LPCAT2: variants seen among roughly 807,000 people sequenced by gnomAD.
The protein encoded by LPCAT2 is lysophosphatidylcholine acyltransferase 2, also known as 1-AGP acyltransferase 11.
A neutral mutation model predicts 64.7 loss-of-function variants in LPCAT2; 58 were observed. The ratio of observed to expected loss-of-function variants is 0.90; its 90% CI spans 0.73 to 1.12. The LOEUF (loss-of-function observed/expected upper bound fraction) is 1.12. Ranked by LOEUF, LPCAT2 falls within the 50% of genes most tolerant of loss-of-function variation. LPCAT2 has a pLI of 0.00. For synonymous variants in LPCAT2, 252 were observed against 245.3 expected, an observed-to-expected ratio of 1.03 and a Z score of -0.26; for missense variants, 579 against 669.8, an observed-to-expected ratio of 0.86 and a Z score of 1.50.
intron 8 of LPCAT2, chr16:55,541,835 T>C (rs1161816129): frequency 1.4e-5 from 18 of 1,285,262 alleles, no homozygotes; most frequent in Non-Finnish European, 1.5e-5. Context: ...CTGTCTCATC[T>C]AGATGTTTCT....
chr16:55,570,920 G>A (rs1467752895), intron 11 of LPCAT2, among the ~76,000 whole-genome samples: 3 of 152,194 alleles, frequency 2.0e-5, no homozygotes, highest in Non-Finnish European at 4.4e-5. Flanking sequence ...GATTTATAGA[G>A]TATCTCTGAC....
At chr16:55,512,431 C>G (rs557305789) in intron 1 of LPCAT2, among the ~76,000 whole-genome samples, 1 of 151,966 alleles carries the variant, frequency 6.6e-6, no homozygotes, top group Non-Finnish European at 1.5e-5. Flanking sequence ...TAACATTACC[C>G]CAGCCCCTTT....
At chr16:55,509,930 T>C (rs1305492109) in intron 1 of LPCAT2, among the ~76,000 whole-genome samples, 2 of 151,082 alleles carry the variant, frequency 1.3e-5, no homozygotes, top group Non-Finnish European at 2.9e-5. Flanking sequence ...AAGCTTCAAC[T>C]TGAGTTTATG....
intron 11 of LPCAT2, among the ~76,000 whole-genome samples, chr16:55,571,041 T>C (rs1340749242): frequency 6.6e-6 from 1 of 152,198 alleles, no homozygotes; most frequent in Non-Finnish European, 1.5e-5. Flanking sequence ...GGATGATATA[T>C]TTCAGTTATA....
intron 11 of LPCAT2, among the ~76,000 whole-genome samples, chr16:55,558,761 C>A (rs900232001): frequency 1.3e-5 from 2 of 152,092 alleles, no homozygotes; most frequent in Admixed American, 1.3e-4. Flanking sequence ...GACTATGTCC[C>A]AATAAAACTG....
At chr16:55,572,866 C>T (rs150868081) in intron 11 of LPCAT2, among the ~76,000 whole-genome samples, 87 of 152,132 alleles carry the variant, frequency 5.7e-4, no homozygotes, top group African/African-American at 1.8e-3. Context: ...CAAATCAAAC[C>T]GTACATTTAA....
intron 11 of LPCAT2, among the ~76,000 whole-genome samples, chr16:55,557,316 G>C (rs551945182): frequency 6.8e-6 from 1 of 148,034 alleles, no homozygotes; most frequent in South Asian, 2.2e-4. Flanking sequence ...TTTCTGTTCT[G>C]AACACACCTG....
At chr16:55,537,008 CA>C (rs1177761589) in intron 7 of LPCAT2, among the ~76,000 whole-genome samples, 6 of 151,434 alleles carry the variant, frequency 4.0e-5, no homozygotes, top group Admixed American at 2.6e-4. Context: ...TTTTTAATGT[CA>C]AAAAACAGTT....
Position 55,579,174 on chromosome 16 carries a change from C to G in LPCAT2, c.1380C>G (p.Ser460=). 3 of 1,613,538 alleles carry G rather than the reference C, an allele frequency of 1.9e-6. No homozygotes were observed. The highest frequency in any genetic ancestry group is 2.5e-6 in the Non-Finnish European group (3 of 1,179,670). Residue 460 remains serine (S), a synonymous_variant, in exon 13 of 14, where the codon TCC becomes TCG. Transcript: ENST00000262134. The stretch of plus-strand genomic sequence containing the variant: ...AGTTCTCCACCATTCTACAGGCTTC[C>G]CTTGGAGTGCCTGACCTTGATGTTT... The part of the protein sequence containing the change: ...EEEFSTILQA[S]LGVPDLDVSG...
intron 11 of LPCAT2, among the ~76,000 whole-genome samples, chr16:55,558,050 G>A (rs928164478): frequency 9.2e-5 from 14 of 152,072 alleles, no homozygotes; most frequent in Non-Finnish European, 1.8e-4. Context: ...GTTTAATTTC[G>A]CTTCTTTATT....
At position 55,579,167 on chromosome 16, in the gene LPCAT2, A is replaced by C. The variant is rs1963862001; in HGVS notation, c.1373A>C (p.Gln458Pro). The C allele has an allele frequency of 6.2e-7, 1 of 1,613,596 alleles. No individual in the cohort carries two copies. The highest frequency in any genetic ancestry group is 1.7e-4 in the Middle Eastern group (1 of 6,046). Residue 458 changes from glutamine (Q) to proline (P), a missense_variant, in exon 13 of 14, where the codon CAG becomes CCG. Gln to Pro is a moderately conservative substitution (Grantham distance 76). Transcript: ENST00000262134. ...ITEEEFSTIL[Q>P]ASLGVPDLDV... ...GAGGAAGAGTTCTCCACCATTCTAC[A>C]GGCTTCCCTTGGAGTGCCTGACCTT...
At chr16:55,513,399 A>C (rs1962961354) in intron 1 of LPCAT2, among the ~76,000 whole-genome samples, 1 of 152,172 alleles carries the variant, frequency 6.6e-6, no homozygotes, top group Non-Finnish European at 1.5e-5. Flanking sequence ...ACTTGAAGAT[A>C]GGTCACTAGA....
At chr16:55,550,858 C>T in intron 10 of LPCAT2, 91 bp from the exon 11 acceptor site, 1 of 1,097,594 alleles carries the variant, frequency 9.1e-7, no homozygotes, top group Non-Finnish European at 1.2e-6. Flanking sequence ...ATATTTTTCT[C>T]CCAGATACAT....
intron 11 of LPCAT2, among the ~76,000 whole-genome samples, chr16:55,555,267 GTTCTT>G (rs1963561903): frequency 6.6e-6 from 1 of 152,188 alleles, no homozygotes; most frequent in African/African-American, 2.4e-5. Context: ...TGAGTTGACT[GTTCTT>G]TTCTTTTAAC....
intron 4 of LPCAT2, among the ~76,000 whole-genome samples, chr16:55,530,313 G>T (rs908217517): frequency 6.6e-5 from 10 of 151,970 alleles, no homozygotes; most frequent in Admixed American, 6.6e-4. Context: ...TATTTTAGAA[G>T]CTTAATTATA....
At chr16:55,580,290 T>C (rs1963874329) in intron 13 of LPCAT2, among the ~76,000 whole-genome samples, 1 of 152,302 alleles carries the variant, frequency 6.6e-6, no homozygotes, top group African/African-American at 2.4e-5. Context: ...GAAGTGTAAA[T>C]ACTGAGATGA....
intron 11 of LPCAT2, among the ~76,000 whole-genome samples, chr16:55,561,254 T>C (rs1381409287): frequency 3.3e-5 from 5 of 152,046 alleles, no homozygotes; most frequent in Admixed American, 6.6e-5. Flanking sequence ...TTTGGACTAT[T>C]TTGAATAATG....
chr16:55,547,862 G>C (rs545156497), intron 9 of LPCAT2, among the ~76,000 whole-genome samples: 1 of 151,954 alleles, frequency 6.6e-6, no homozygotes, highest in Non-Finnish European at 1.5e-5. Context: ...CCGCCTCCTG[G>C]GTTCAAGTGA....
intron 1 of LPCAT2, among the ~76,000 whole-genome samples, chr16:55,516,882 AC>A (rs2142389571): frequency 6.6e-6 from 1 of 152,354 alleles, no homozygotes; most frequent in East Asian, 1.9e-4. Context: ...TGTATGTTAG[AC>A]AGTAAAACAA....
Sources: allele counts gnomAD v4.1 joint callset (sites outside exome capture counted in the v4.1 genomes callset), GRCh38; gene constraint gnomAD v4.1.1; transcripts MANE v1.5; gene names NCBI Gene and HGNC (gene_info 2026-07-23, HGNC 2026-07-21).